PLEKHH2: variants seen among roughly 807,000 people sequenced by gnomAD.
PLEKHH2 encodes the protein pleckstrin homology domain-containing family H member 2.
In PLEKHH2, 129 loss-of-function variants were observed where a neutral mutation model predicts 187.9. That is an observed-to-expected ratio of 0.69 (90% CI 0.59 to 0.79). The LOEUF (loss-of-function observed/expected upper bound fraction) is 0.79, where lower values mean the gene tolerates loss of function less well. Among genes scored for constraint, PLEKHH2 ranks in the 30% least tolerant of loss-of-function variants. The probability of loss-of-function intolerance (pLI) is 0.00; values close to 1 mark genes in which losing one functional copy is unlikely to be tolerated. For synonymous variants in PLEKHH2, 686 were observed against 605.6 expected (o/e 1.13, Z -1.95); for missense variants, 2,076 against 1,751.2 (o/e 1.19, Z -3.31).
intron 2 of PLEKHH2, among the ~76,000 whole-genome samples, chr2:43,677,088 ACT>A (rs1194450422): frequency 1.3e-5 from 2 of 152,100 alleles, no homozygotes; most frequent in Admixed American, 6.5e-5. Context: ...AAGTATCGAA[ACT>A]CTGGCATTTT....
At chr2:43,674,053 T>C (rs1398914975) in intron 2 of PLEKHH2, among the ~76,000 whole-genome samples, 4 of 152,216 alleles carry the variant, frequency 2.6e-5, no homozygotes, top group Admixed American at 2.0e-4. Flanking sequence ...ACTTTAGGCA[T>C]GACAGAGAGC....
At chr2:43,688,344 G>C (rs939886462) in intron 3 of PLEKHH2, among the ~76,000 whole-genome samples, 47 of 152,270 alleles carry the variant, frequency 3.1e-4, no homozygotes, top group African/African-American at 1.0e-3. Flanking sequence ...AGTAGTCTGG[G>C]ATTTAAAATA....
intron 24 of PLEKHH2, among the ~76,000 whole-genome samples, chr2:43,751,420 A>T (rs1280000682): frequency 6.6e-6 from 1 of 152,198 alleles, no homozygotes; most frequent in Non-Finnish European, 1.5e-5. Context: ...TTACAAGAGG[A>T]TGGGAAGGGC....
At chr2:43,758,007 T>G (rs1375224767) in intron 26 of PLEKHH2, among the ~76,000 whole-genome samples, 2 of 152,192 alleles carry the variant, frequency 1.3e-5, no homozygotes, top group African/African-American at 4.8e-5. Context: ...TACCTCAATT[T>G]GGAGTTTCAA....
At chr2:43,713,658 C>A (rs1288422325) in intron 15 of PLEKHH2, among the ~76,000 whole-genome samples, 1 of 129,342 alleles carries the variant, frequency 7.7e-6, no homozygotes, top group Non-Finnish European at 1.7e-5. Flanking sequence ...TTGCTTAATT[C>A]TGTTTTTTTT....
intron 9 of PLEKHH2, among the ~76,000 whole-genome samples, chr2:43,704,807 A>G (rs992462146): frequency 4.6e-5 from 7 of 152,128 alleles, no homozygotes; most frequent in African/African-American, 1.7e-4. Context: ...TCATTGGAAT[A>G]AAGAGTTGTG....
At chr2:43,687,945 T>C (rs771560852) in intron 3 of PLEKHH2, among the ~76,000 whole-genome samples, 13 of 152,140 alleles carry the variant, frequency 8.5e-5, no homozygotes, top group Non-Finnish European at 1.6e-4. Context: ...CACAGGCATA[T>C]GCCACTATAC....
intron 1 of PLEKHH2, among the ~76,000 whole-genome samples, chr2:43,637,631 G>T (rs917081795): frequency 3.3e-5 from 5 of 152,154 alleles, no homozygotes; most frequent in Non-Finnish European, 7.4e-5. Context: ...GGTGGCCGGC[G>T]GTCCCTCGCG....
chr2:43,751,771 A>T (rs961713651), intron 24 of PLEKHH2, among the ~76,000 whole-genome samples: 1 of 152,176 alleles, frequency 6.6e-6, no homozygotes, highest in African/African-American at 2.4e-5. Flanking sequence ...TGCCTTTCCT[A>T]TTCAAGCTCC....
intron 27 of PLEKHH2, among the ~76,000 whole-genome samples, chr2:43,760,359 CTTTTT>C (rs763777313): frequency 2.5e-5 from 3 of 119,060 alleles, no homozygotes; most frequent in African/African-American, 1.0e-4. Flanking sequence ...ACCCTTTAAC[CTTTTT>C]TTTTTTTTTT....
At chr2:43,762,069 C>A (rs1456982385) in intron 27 of PLEKHH2, among the ~76,000 whole-genome samples, 1 of 152,124 alleles carries the variant, frequency 6.6e-6, no homozygotes, top group African/African-American at 2.4e-5. Flanking sequence ...AGTAGTTTAT[C>A]CAAATGCATA....
rs1000511206 is a variant in PLEKHH2 at position 43,666,122 on chromosome 2, C to A, written c.124-12741C>A. Among the ~76,000 whole-genome samples the A allele has an allele frequency of 1.3e-4, 20 of 149,746 alleles. No individual in the cohort carries two copies. The South Asian group carries it at 1.7e-3, about 13-fold the overall frequency. The stretch of plus-strand genomic sequence containing the variant: ...CTCAGACTGCTGTGCTAGCAATCAG[C>A]GAGATTCCGTGGGCGTAGGACCCTC... On this transcript the variant is annotated intron_variant, in intron 2 of 29. Transcript: ENST00000282406.
intron 15 of PLEKHH2, 134 bp from the exon 16 acceptor site, chr2:43,720,535 G>C (rs1246081773): frequency 1.6e-5 from 22 of 1,403,828 alleles, no homozygotes; most frequent in East Asian, 4.9e-5. Flanking sequence ...AACAGCACTG[G>C]ACAATCTATT....
At chr2:43,706,591 A>G (rs943686953) in intron 10 of PLEKHH2, among the ~76,000 whole-genome samples, 175 bp downstream of exon 10, 4 of 152,240 alleles carry the variant, frequency 2.6e-5, no homozygotes, top group African/African-American at 9.6e-5. Flanking sequence ...AAAGGTCTGC[A>G]GAAGACACTT....
chr2:43,644,111 G>A (rs1358594932), intron 1 of PLEKHH2, among the ~76,000 whole-genome samples: 1 of 151,988 alleles, frequency 6.6e-6, no homozygotes, highest in African/African-American at 2.4e-5. Context: ...ACTTAACCTG[G>A]ACCTGGCCAA....
In PLEKHH2 at chr2:43,749,338, T is replaced by A. The variant is rs573967831; in HGVS notation, c.3653+3375T>A. On this transcript the variant is annotated intron_variant, in intron 24 of 29. Coordinates refer to ENST00000282406, the MANE Select transcript of PLEKHH2 (RefSeq NM_172069.4). ...AGGTTGTGGAGTCTTCACTTCAAGT[T>A]GTTCTGCCTTCCTAGACCAAACCAA... is the stretch of plus-strand genomic sequence containing the variant. Among the ~76,000 whole-genome samples the A allele has an allele frequency of 2.6e-5, 4 of 152,306 alleles. No homozygotes were observed. The South Asian group carries it at 8.3e-4, about 32-fold the overall frequency.
At chr2:43,684,099 A>T (rs78004113) in intron 3 of PLEKHH2, among the ~76,000 whole-genome samples, 1 of 152,278 alleles carries the variant, frequency 6.6e-6, no homozygotes, top group African/African-American at 2.4e-5. Context: ...TTTATGTTCT[A>T]TGGATTTTGA....
At chr2:43,703,438 G>A (rs1344760643) in intron 8 of PLEKHH2, among the ~76,000 whole-genome samples, 1 of 152,200 alleles carries the variant, frequency 6.6e-6, no homozygotes, top group Non-Finnish European at 1.5e-5. Context: ...TGAGTGAAAT[G>A]TACATTGACA....
chr2:43,745,472 A>G (rs904439711), intron 23 of PLEKHH2, among the ~76,000 whole-genome samples: 2 of 152,218 alleles, frequency 1.3e-5, no homozygotes, highest in East Asian at 3.8e-4. Context: ...CTTTCCATAA[A>G]TTATATGTCA....
Sources: allele counts gnomAD v4.1 joint callset (sites outside exome capture counted in the v4.1 genomes callset), GRCh38; gene constraint gnomAD v4.1.1; transcripts MANE v1.5; gene names NCBI Gene and HGNC (gene_info 2026-07-23, HGNC 2026-07-21).